The following GRM3 variants were observed in gnomAD, a reference collection of about 807,000 sequenced individuals.
The protein encoded by GRM3 is metabotropic glutamate receptor 3.
A neutral mutation model predicts 70.5 loss-of-function variants in GRM3; 26 were observed. The ratio of observed to expected loss-of-function variants is 0.37; its 90% CI spans 0.27 to 0.51. The LOEUF (loss-of-function observed/expected upper bound fraction) is 0.51, where lower values mean the gene tolerates loss of function less well. Among genes scored for constraint, GRM3 ranks in the 20% least tolerant of loss-of-function variants. GRM3 has a pLI of 0.93. For missense variants in GRM3, 859 were observed against 1,123.8 expected, an observed-to-expected ratio of 0.76 and a Z score of 3.37; for synonymous variants, 443 against 434.9, an observed-to-expected ratio of 1.02 and a Z score of -0.23.
At chr7:86,831,235 G>A (rs376065542) in intron 3 of GRM3, among the ~76,000 whole-genome samples, 1 of 152,158 alleles carries the variant, frequency 6.6e-6, no homozygotes, top group East Asian at 1.9e-4. Flanking sequence ...CAAGGGAACT[G>A]GTAATGCTCT....
chr7:86,707,092 A>G (rs889619791), intron 1 of GRM3, among the ~76,000 whole-genome samples: 5 of 152,158 alleles, frequency 3.3e-5, no homozygotes, highest in Admixed American at 1.3e-4. Context: ...ATGAGTTTTT[A>G]TAAACACACT....
In GRM3 at chr7:86,644,788, C is replaced by T; in HGVS notation, c.-225C>T. Reference sequence around the variant, plus strand: ...TTTGTGTCGGATGAGGAGGACCAACCATGAGCCAGAGCCCGGGTGCAGGCT... The same window carrying T: ...TTTGTGTCGGATGAGGAGGACCAACTATGAGCCAGAGCCCGGGTGCAGGCT... On this transcript the variant is annotated 5_prime_UTR_variant, in exon 1 of 6. Coordinates refer to ENST00000361669, the MANE Select transcript of GRM3 (RefSeq NM_000840.3). The T allele has an allele frequency of 7.8e-7, 1 of 1,289,278 alleles. No individual in the cohort carries two copies. The allele number at this position is 1,289,278 out of a possible 1,614,324, so 79.9% of individuals were successfully genotyped here.
chr7:86,856,643 C>T (rs1227631580), intron 5 of GRM3, among the ~76,000 whole-genome samples: 1 of 151,994 alleles, frequency 6.6e-6, no homozygotes, highest in Non-Finnish European at 1.5e-5. Context: ...AATCTCATTC[C>T]ATTCCCTTTT....
intron 1 of GRM3, among the ~76,000 whole-genome samples, chr7:86,764,312 T>G (rs1256113470): frequency 6.6e-6 from 1 of 151,974 alleles, no homozygotes; most frequent in Non-Finnish European, 1.5e-5. Context: ...ACCTAGGAAG[T>G]TGTAATAGGT....
chr7:86,822,170 C>G (rs1207541458), intron 3 of GRM3, among the ~76,000 whole-genome samples: 1 of 151,874 alleles, frequency 6.6e-6, no homozygotes. Flanking sequence ...CACACTAACG[C>G]AGATATTTTG....
chr7:86,750,695 A>T (rs556148688), intron 1 of GRM3, among the ~76,000 whole-genome samples: 24 of 137,286 alleles, frequency 1.7e-4, no homozygotes, highest in African/African-American at 5.3e-4. Context: ...AAAGTAGATT[A>T]AAAAAAAAAA....
intron 5 of GRM3, 121 bp from the exon 6 acceptor site, chr7:86,864,161 T>C (rs1562885913): frequency 1.5e-6 from 1 of 685,122 alleles, no homozygotes; most frequent in African/African-American, 1.8e-5. Flanking sequence ...TGTAGTCTTT[T>C]ATCCCTCACC....
intron 2 of GRM3, among the ~76,000 whole-genome samples, chr7:86,777,263 C>T (rs1796916562): frequency 6.6e-6 from 1 of 152,170 alleles, no homozygotes. Context: ...AGAAGTCCTT[C>T]AGTTTCAAAT....
intron 1 of GRM3, among the ~76,000 whole-genome samples, chr7:86,700,660 C>A (rs1343670159): frequency 6.6e-6 from 1 of 151,902 alleles, no homozygotes; most frequent in African/African-American, 2.4e-5. Flanking sequence ...ACACAGAAAA[C>A]AATTAAGGAA....
intron 3 of GRM3, among the ~76,000 whole-genome samples, chr7:86,809,999 CA>C (rs1410644681): frequency 2.0e-5 from 3 of 152,030 alleles, no homozygotes; most frequent in Admixed American, 2.0e-4. Context: ...GACCTCATGA[CA>C]AGAACATGAA....
chr7:86,770,825 C>G (rs1796720846), intron 2 of GRM3, among the ~76,000 whole-genome samples: 1 of 152,026 alleles, frequency 6.6e-6, no homozygotes, highest in African/African-American at 2.4e-5. Context: ...TGAATGGAAA[C>G]AAGTACACTC....
At chr7:86,715,196 A>G (rs1795287014) in intron 1 of GRM3, among the ~76,000 whole-genome samples, 1 of 152,026 alleles carries the variant, frequency 6.6e-6, no homozygotes, top group South Asian at 2.1e-4. Flanking sequence ...TCAAATATAA[A>G]TGCAAAATGA....
At chr7:86,708,340 T>C (rs116707686) in intron 1 of GRM3, among the ~76,000 whole-genome samples, 1,783 of 152,222 alleles carry the variant, frequency 0.012, 30 homozygotes, top group African/African-American at 0.041. Flanking sequence ...CATCCTACAG[T>C]GGCCACACAT....
At position 86,763,832 on chromosome 7, in the gene GRM3, G is replaced by T. The variant is rs570152692; in HGVS notation, c.-140-1174G>T. On this transcript the variant is annotated intron_variant, in intron 1 of 5. Coordinates refer to ENST00000361669, the MANE Select transcript of GRM3 (RefSeq NM_000840.3). ...TGAGAAATCATGTACTTTTAAAGGG[G>T]GTATCTTTGTCTAATGCTCAAAACA... Among the ~76,000 whole-genome samples, 5 of 152,134 alleles carry T rather than the reference G, an allele frequency of 3.3e-5. No homozygotes were observed. In the South Asian group the frequency reaches 1.0e-3, roughly 32 times the overall value.
chr7:86,821,770 A>G (rs1798125866), intron 3 of GRM3, among the ~76,000 whole-genome samples: 1 of 152,152 alleles, frequency 6.6e-6, no homozygotes, highest in African/African-American at 2.4e-5. Flanking sequence ...ATGGTCAAGC[A>G]TCACTTGTTT....
chr7:86,751,288 C>A (rs948278112), intron 1 of GRM3, among the ~76,000 whole-genome samples: 1 of 152,072 alleles, frequency 6.6e-6, no homozygotes, highest in African/African-American at 2.4e-5. Flanking sequence ...CTGTGGCCCT[C>A]TTCAGATGTG....
chr7:86,817,838 T>C (rs1798045743), intron 3 of GRM3, among the ~76,000 whole-genome samples: 1 of 152,024 alleles, frequency 6.6e-6, no homozygotes, highest in Non-Finnish European at 1.5e-5. Context: ...AAATTATCAA[T>C]ACAACACCAC....
intron 2 of GRM3, among the ~76,000 whole-genome samples, chr7:86,768,681 C>CT (rs1796664700): frequency 3.3e-5 from 5 of 152,092 alleles, no homozygotes; most frequent in Non-Finnish European, 7.4e-5. Context: ...TGGGAGACGT[C>CT]CATGTACAAG....
chr7:86,818,918 T>C (rs1798066513), intron 3 of GRM3, among the ~76,000 whole-genome samples: 1 of 152,128 alleles, frequency 6.6e-6, no homozygotes, highest in Non-Finnish European at 1.5e-5. Flanking sequence ...AAACTTCTTT[T>C]CTGGGTTCCA....
Sources: allele counts gnomAD v4.1 joint callset (sites outside exome capture counted in the v4.1 genomes callset), GRCh38; gene constraint gnomAD v4.1.1; transcripts MANE v1.5; gene names NCBI Gene and HGNC (gene_info 2026-07-23, HGNC 2026-07-21).